The following CCDC190 variants were observed in gnomAD, a reference collection of about 807,000 sequenced individuals.
The protein encoded by CCDC190 is coiled-coil domain-containing protein 190.
CCDC190 carries 10 observed loss-of-function variants against 13.1 expected under a neutral mutation model. The ratio of observed to expected loss-of-function variants is 0.77; its 90% CI spans 0.47 to 1.30. CCDC190 has a LOEUF of 1.30. Among genes scored for constraint, CCDC190 ranks in the 50% most tolerant of loss-of-function variants. The pLI is 0.00. For missense variants in CCDC190, 375 were observed against 354.3 expected (o/e 1.06, Z -0.47); for synonymous variants, 136 against 127.2 (o/e 1.07, Z -0.47).
intron 3 of CCDC190, 112 bp from the exon 4 acceptor site, chr1:162,855,471 G>C (rs906272776): frequency 6.9e-7 from 1 of 1,457,372 alleles, no homozygotes; most frequent in African/African-American, 1.4e-5. Context: ...GGTAATATAG[G>C]TGGGAATGGG....
chr1:162,868,091 CTT>C (rs1357052595), intron 1 of CCDC190, among the ~76,000 whole-genome samples: 3 of 152,166 alleles, frequency 2.0e-5, no homozygotes, highest in South Asian at 4.1e-4. Context: ...TTAAAAAAAA[CTT>C]AATATCATAG....
In CCDC190 at chr1:162,853,038, C is replaced by A; in HGVS notation, c.*1727G>T. ...TTAAGTTTTTGTGAATCAATCAGTTCTGTCACTTATGGCCTGCCTTCCTCT... is the reference window on the plus strand; with the variant it reads ...TTAAGTTTTTGTGAATCAATCAGTTATGTCACTTATGGCCTGCCTTCCTCT... On this transcript the variant is annotated 3_prime_UTR_variant, in exon 4 of 4. Coordinates refer to ENST00000367912, the MANE Select transcript of CCDC190 (RefSeq NM_001394065.1). 2 of 1,313,740 alleles carry A rather than the reference C, an allele frequency of 1.5e-6. No individual in the cohort carries two copies. The highest frequency in any genetic ancestry group is 2.5e-5 in the South Asian group (2 of 78,660). 81.4% of individuals were successfully genotyped at this position (1,313,740 alleles called of 1,614,324 possible). A position where few individuals can be genotyped will look rare whatever the true frequency, so the allele number is the denominator to read the frequency against.
At position 162,860,682 on chromosome 1, in the gene CCDC190, C is replaced by A. The variant is rs1174328526; in HGVS notation, c.-13+326G>T. Among the ~76,000 whole-genome samples, 3 of 152,048 alleles carry A rather than the reference C, an allele frequency of 2.0e-5. No individual in the cohort carries two copies. In the East Asian group the frequency reaches 5.8e-4, roughly 29 times the overall value. ...AACCGATTCTCCTGCCTCAACCTCCCTTGTAGCTTGGACTACAGGCCTGCA... is the reference window on the plus strand; with the variant it reads ...AACCGATTCTCCTGCCTCAACCTCCATTGTAGCTTGGACTACAGGCCTGCA... On this transcript the variant is annotated intron_variant, in intron 1 of 3. Coordinates refer to ENST00000367912, the MANE Select transcript of CCDC190 (RefSeq NM_001394065.1).
At chr1:162,856,857 G>T (rs932592841) in intron 2 of CCDC190, among the ~76,000 whole-genome samples, 2 of 152,068 alleles carry the variant, frequency 1.3e-5, no homozygotes, top group African/African-American at 4.8e-5. Context: ...GGTCTTTTGT[G>T]GGGGTTTCTT....
upstream of CCDC190, among the ~76,000 whole-genome samples, chr1:162,863,236 C>T (rs932480418): frequency 6.6e-6 from 1 of 151,092 alleles, no homozygotes; most frequent in Non-Finnish European, 1.5e-5. Flanking sequence ...CTTTTGTAGT[C>T]AAAACACATC....
chr1:162,860,059 C>A (rs145805276), intron 1 of CCDC190, among the ~76,000 whole-genome samples: 1 of 152,208 alleles, frequency 6.6e-6, no homozygotes, highest in African/African-American at 2.4e-5. Flanking sequence ...AAAGAGACTG[C>A]TCAGAGGTCT....
At chr1:162,855,524 T>C (rs1650270907) in intron 3 of CCDC190, 108 bp downstream of exon 3, 1 of 1,517,274 alleles carries the variant, frequency 6.6e-7, no homozygotes, top group Non-Finnish European at 8.9e-7. Context: ...GGAAAATGTC[T>C]CACTTAAGAA....
Position 162,855,048 on chromosome 1 carries a change from G to T in CCDC190, c.623C>A (p.Thr208Asn). The change falls in exon 4 of 4, where the codon ACC becomes AAC. Residue 208 changes from threonine to asparagine, a missense_variant. Thr to Asn is a moderately conservative substitution (Grantham distance 65, BLOSUM62 0). Coordinates refer to ENST00000367912, the MANE Select transcript of CCDC190 (RefSeq NM_001394065.1). ...SDSGMACADE[T>N]RSKDVALKPD... ...CTTTAGAGCAACATCTTTTGATCTG[G>T]TCTCATCAGCACATGCCATTCCACT... is the stretch of plus-strand genomic sequence containing the variant. 2 of 1,614,022 alleles carry T rather than the reference G, an allele frequency of 1.2e-6. No homozygotes were observed. The highest frequency in any genetic ancestry group is 1.7e-6 in the Non-Finnish European group (2 of 1,179,884).
upstream of CCDC190, among the ~76,000 whole-genome samples, chr1:162,862,782 T>C (rs972199040): frequency 6.6e-6 from 1 of 152,180 alleles, no homozygotes. Context: ...ATGGTTAGTG[T>C]TGAAAAGACA....
upstream of CCDC190, among the ~76,000 whole-genome samples, chr1:162,863,753 G>C (rs1451651939): frequency 2.6e-5 from 4 of 152,192 alleles, no homozygotes; most frequent in Non-Finnish European, 5.9e-5. Context: ...GGGCGCAGTG[G>C]CTCATGCCTG....
rs1650243403 is a variant in CCDC190, at chr1:162,855,022, G to A, written c.649C>T (p.Pro217Ser). The A allele has an allele frequency of 1.9e-6, 3 of 1,613,870 alleles. No homozygotes were observed. The highest frequency in any genetic ancestry group is 2.7e-5 in the African/African-American group (2 of 74,918). The change falls in exon 4 of 4, where the codon CCA (proline) becomes TCA (serine). Residue 217 changes from proline (P) to serine (S), a missense_variant. By Grantham distance (74) the Pro-to-Ser change is moderately conservative. Coordinates refer to ENST00000367912, the MANE Select transcript of CCDC190 (RefSeq NM_001394065.1). Reference sequence around the variant, plus strand: ...ATTTGTTTTCCAGTGTTCCCATCTGGCTTTAGAGCAACATCTTTTGATCTG... The same window carrying A: ...ATTTGTTTTCCAGTGTTCCCATCTGACTTTAGAGCAACATCTTTTGATCTG... ...ETRSKDVALK[P>S]DGNTGKQIPP...
chr1:162,851,179 G>C lies in CCDC190; in HGVS notation c.*3586C>G, dbSNP rs79086827. ...GCAGAAAAGGAGGACCTGGCTGCCC[G>C]CTCTCCCTTATTCTGTCTTCAGTGC... On this transcript the variant is annotated 3_prime_UTR_variant, in exon 4 of 4. Coordinates refer to ENST00000367912, the MANE Select transcript of CCDC190 (RefSeq NM_001394065.1). 1 of 152,026 alleles carries C rather than the reference G, an allele frequency of 6.6e-6. No homozygotes were observed. Among genetic ancestry groups the C allele is most frequent in the African/African-American group, 2.4e-5 (1 of 41,354 alleles). The allele number at this position is 152,026 out of a possible 1,614,324, so 9.4% of individuals were successfully genotyped here.
In CCDC190 at chr1:162,854,945, C is replaced by T; in HGVS notation, c.726G>A (p.Lys242=). The part of the protein sequence containing the change: ...CAGSFEGEFT[K]PTFLELLSKA... ...TTGAAAGCAACTCTAAGAAGGTTGG[C>T]TTTGTGAACTCGCCTTCGAAGCTTC... is the stretch of plus-strand genomic sequence containing the variant. The change falls in exon 4 of 4, where the codon AAG becomes AAA. Residue 242 remains lysine, a synonymous_variant. Transcript: ENST00000367912. 1.2e-6 allele frequency: 2 copies of T among 1,614,016 alleles called. No individual in the cohort carries two copies. Among genetic ancestry groups the T allele is most frequent in the Non-Finnish European group, 1.7e-6 (2 of 1,179,892 alleles).
chr1:162,864,637 G>A (rs945765759), upstream of CCDC190, among the ~76,000 whole-genome samples: 15 of 152,130 alleles, frequency 9.9e-5, no homozygotes, highest in African/African-American at 3.1e-4. Context: ...ACTGTTATAA[G>A]GTTCTTATAA....
At position 162,859,579 on chromosome 1, in the gene CCDC190, T is replaced by C; in HGVS notation, c.68A>G (p.Gln23Arg). 2 of 1,613,986 alleles carry C rather than the reference T, an allele frequency of 1.2e-6. No individual in the cohort carries two copies. Among genetic ancestry groups the C allele is most frequent in the Admixed American group, 1.7e-5 (1 of 60,008 alleles). ...TCTTTGGTCCAGTCTGGCTTCAGCC[T>C]GCTTGGCATTCTTCCTCTCCAAATC... is the stretch of plus-strand genomic sequence containing the variant. ...HFDLERKNAK[Q>R]AEARLDQRLQ... Residue 23 changes from glutamine to arginine, a missense_variant, in exon 2 of 4, where the codon CAG (glutamine) becomes CGG (arginine). Coordinates refer to ENST00000367912, the MANE Select transcript of CCDC190 (RefSeq NM_001394065.1).
chr1:162,860,193 C>T (rs1476619509), intron 1 of CCDC190, among the ~76,000 whole-genome samples: 1 of 152,122 alleles, frequency 6.6e-6, no homozygotes, highest in Non-Finnish European at 1.5e-5. Context: ...ATGCTAAAAG[C>T]TAAGAGTAAT....
At chr1:162,866,512 C>G (rs1306111884) in intron 1 of CCDC190, among the ~76,000 whole-genome samples, 4 of 152,090 alleles carry the variant, frequency 2.6e-5, no homozygotes, top group Non-Finnish European at 5.9e-5. Context: ...TTTAGACTGC[C>G]AATTCTTCTA....
rs1650186121 is a variant in CCDC190 at position 162,853,692 on chromosome 1, A to C, written c.*1073T>G. ...ATCAACTATTGATGCCAGAGATGAAATAGGCCCTCAAGTTTATTCTTCTGG... is the reference window on the plus strand; with the variant it reads ...ATCAACTATTGATGCCAGAGATGAACTAGGCCCTCAAGTTTATTCTTCTGG... On this transcript the variant is annotated 3_prime_UTR_variant, in exon 4 of 4. Coordinates refer to ENST00000367912, the MANE Select transcript of CCDC190 (RefSeq NM_001394065.1). Among the ~76,000 whole-genome samples, 2 of 152,326 alleles carry C rather than the reference A, an allele frequency of 1.3e-5. No individual in the cohort carries two copies. Among genetic ancestry groups the C allele is most frequent in the African/African-American group, 4.8e-5 (2 of 41,572 alleles).
intron 1 of CCDC190, among the ~76,000 whole-genome samples, chr1:162,866,488 A>G (rs1418490342): frequency 6.6e-6 from 1 of 151,214 alleles, no homozygotes; most frequent in African/African-American, 2.4e-5. Context: ...GTTTATGGCT[A>G]GAATCCTAAG....
Sources: allele counts gnomAD v4.1 joint callset (sites outside exome capture counted in the v4.1 genomes callset), GRCh38; gene constraint gnomAD v4.1.1; transcripts MANE v1.5; gene names NCBI Gene and HGNC (gene_info 2026-07-23, HGNC 2026-07-21).